The following BTBD9 variants were observed in gnomAD, a reference collection of about 807,000 sequenced individuals.
BTBD9 encodes BTB/POZ domain-containing protein 9.
A neutral mutation model predicts 64.3 loss-of-function variants in BTBD9; 49 were observed. The observed-to-expected ratio is 0.76, with a 90% CI of 0.61 to 0.97. The LOEUF is 0.97. Among genes scored for constraint, BTBD9 ranks in the 50% least tolerant of loss-of-function variants. BTBD9 has a pLI of 0.00. For missense variants in BTBD9, 598 were observed against 762.1 expected, an observed-to-expected ratio of 0.78 and a Z score of 2.53; for synonymous variants, 260 against 274.7, an observed-to-expected ratio of 0.95 and a Z score of 0.53.
intron 6 of BTBD9, among the ~76,000 whole-genome samples, chr6:38,506,571 G>A (rs565923943): frequency 6.6e-6 from 1 of 152,278 alleles, no homozygotes; most frequent in African/African-American, 2.4e-5. Context: ...AACACATCCT[G>A]CTTTCACATC....
chr6:38,232,841 C>T (rs1444278946), intron 9 of BTBD9, among the ~76,000 whole-genome samples: 2 of 152,064 alleles, frequency 1.3e-5, no homozygotes, highest in African/African-American at 4.8e-5. Context: ...GGATTAGTAA[C>T]ACATAAGAGG....
rs150324892 is a variant in BTBD9 at position 38,596,548 on chromosome 6, C to A, written c.185+1362G>T. Among the ~76,000 whole-genome samples the A allele has an allele frequency of 3.8e-3, 575 of 152,194 alleles. 4 individuals carry two copies. The highest frequency in any genetic ancestry group is 0.013 in the African/African-American group (534 of 41,524). ...AGGTGCAGTGGCTCAAGCCTGTAATCCCAGTACTTTGGGAGGCTGAGGCGG... is the reference window on the plus strand; with the variant it reads ...AGGTGCAGTGGCTCAAGCCTGTAATACCAGTACTTTGGGAGGCTGAGGCGG... On this transcript the variant is annotated intron_variant, in intron 2 of 10. Coordinates refer to ENST00000481247, the MANE Select transcript of BTBD9 (RefSeq NM_001099272.2).
intron 8 of BTBD9, among the ~76,000 whole-genome samples, chr6:38,258,265 C>T (rs1027270469): frequency 6.6e-6 from 1 of 152,092 alleles, no homozygotes; most frequent in Non-Finnish European, 1.5e-5. Flanking sequence ...GGATTACAGG[C>T]ATGAGCCACT....
chr6:38,234,383 G>A (rs1763710845), intron 9 of BTBD9, among the ~76,000 whole-genome samples: 1 of 152,166 alleles, frequency 6.6e-6, no homozygotes, highest in South Asian at 2.1e-4. Context: ...GACAGTTAAG[G>A]ACAGTTTCAA....
intron 9 of BTBD9, among the ~76,000 whole-genome samples, chr6:38,210,536 TTGTGTGTGTGTGTGTG>T (rs71542165): frequency 1.1e-3 from 160 of 146,454 alleles, no homozygotes; most frequent in Non-Finnish European, 2.0e-3. Flanking sequence ...GTGCGTGTGT[TTGTGTGTGTGTGTGTG>T]TGTGTGTGTG....
chr6:38,315,317 C>T (rs549825276), intron 7 of BTBD9, among the ~76,000 whole-genome samples: 8 of 152,110 alleles, frequency 5.3e-5, no homozygotes, highest in East Asian at 1.9e-4. Context: ...TTTTCTTCTA[C>T]GAACTTTAGA....
chr6:38,480,047 A>G (rs754878046), intron 6 of BTBD9, among the ~76,000 whole-genome samples: 12 of 152,234 alleles, frequency 7.9e-5, no homozygotes, highest in Non-Finnish European at 1.5e-4. Flanking sequence ...AAATCTTTAA[A>G]TAAACGCTCT....
At chr6:38,614,809 G>C (rs1777733713) in intron 1 of BTBD9, among the ~76,000 whole-genome samples, 1 of 152,156 alleles carries the variant, frequency 6.6e-6, no homozygotes, top group Non-Finnish European at 1.5e-5. Context: ...GTTCCTAAGT[G>C]ATCTCCCGCT....
chr6:38,179,001 T>TGCCACCA (rs1761418224), intron 10 of BTBD9, among the ~76,000 whole-genome samples: 1 of 152,048 alleles, frequency 6.6e-6, no homozygotes, highest in African/African-American at 2.4e-5. Context: ...TACAGGCACG[T>TGCCACCA]GCCACCACAC....
intron 6 of BTBD9, among the ~76,000 whole-genome samples, chr6:38,389,925 T>C (rs574179776): frequency 5.3e-5 from 8 of 152,344 alleles, no homozygotes; most frequent in Non-Finnish European, 1.0e-4. Context: ...CAGCTGGGAA[T>C]AGAATTTCTT....
chr6:38,170,266 G>A lies in BTBD9; in HGVS notation c.*4719C>T, dbSNP rs1000116335. ...GCACCTGTCCCCTGCCTCTGCATGAGCCCAGCAGAAAATCCTAGCTGGAAG... is the reference window on the plus strand; with the variant it reads ...GCACCTGTCCCCTGCCTCTGCATGAACCCAGCAGAAAATCCTAGCTGGAAG... On this transcript the variant is annotated 3_prime_UTR_variant, in exon 11 of 11. Transcript: ENST00000481247. 6.6e-6 allele frequency: 1 copy of A among 152,432 alleles called. No homozygotes were observed. Among genetic ancestry groups the A allele is most frequent in the Non-Finnish European group, 1.5e-5 (1 of 68,226 alleles). 9.4% of individuals were successfully genotyped at this position (152,432 alleles called of 1,614,324 possible).
intron 9 of BTBD9, among the ~76,000 whole-genome samples, chr6:38,245,419 G>A (rs1219339954): frequency 6.6e-6 from 1 of 152,192 alleles, no homozygotes; most frequent in Non-Finnish European, 1.5e-5. Flanking sequence ...TCCAGACAGA[G>A]ACCAGCATGG....
At chr6:38,277,579 C>A (rs991859536) in intron 8 of BTBD9, among the ~76,000 whole-genome samples, 16 of 152,242 alleles carry the variant, frequency 1.1e-4, no homozygotes, top group African/African-American at 3.6e-4. Context: ...GGTGATCCGC[C>A]TGCCTTGGCC....
intron 6 of BTBD9, among the ~76,000 whole-genome samples, chr6:38,531,922 C>T (rs1327492683): frequency 6.6e-6 from 1 of 152,068 alleles, no homozygotes; most frequent in Non-Finnish European, 1.5e-5. Context: ...CACTCCTGCT[C>T]CCACAAGGAC....
chr6:38,174,912 C>A lies in BTBD9; in HGVS notation c.*73G>T. On this transcript the variant is annotated 3_prime_UTR_variant, in exon 11 of 11. Coordinates refer to ENST00000481247, the MANE Select transcript of BTBD9 (RefSeq NM_001099272.2). Reference sequence around the variant, plus strand: ...CAGAGGTGGGGGCAGTCAACAGAGACCCCTGCTCAGGGAGGAGACCGTTTC... The same window carrying A: ...CAGAGGTGGGGGCAGTCAACAGAGAACCCTGCTCAGGGAGGAGACCGTTTC... 6.4e-7 allele frequency: 1 copy of A among 1,560,906 alleles called. No individual in the cohort carries two copies. The highest frequency in any genetic ancestry group is 8.7e-7 in the Non-Finnish European group (1 of 1,146,006).
At chr6:38,311,679 C>A (rs966597643) in intron 7 of BTBD9, among the ~76,000 whole-genome samples, 1 of 152,112 alleles carries the variant, frequency 6.6e-6, no homozygotes, top group African/African-American at 2.4e-5. Flanking sequence ...AGTGGTTGTA[C>A]TAATTTATAT....
At chr6:38,423,777 T>C (rs1464399098) in intron 6 of BTBD9, among the ~76,000 whole-genome samples, 3 of 151,912 alleles carry the variant, frequency 2.0e-5, no homozygotes, top group African/African-American at 7.3e-5. Flanking sequence ...TTAAATCATA[T>C]AGTAAAAAAT....
intron 9 of BTBD9, among the ~76,000 whole-genome samples, chr6:38,243,936 AG>A (rs1160158938): frequency 1.3e-5 from 2 of 152,168 alleles, no homozygotes; most frequent in Non-Finnish European, 2.9e-5. Flanking sequence ...TCTGGGATAG[AG>A]CTGAGCAAGC....
chr6:38,501,824 C>A (rs1223942127), intron 6 of BTBD9, among the ~76,000 whole-genome samples: 1 of 152,078 alleles, frequency 6.6e-6, no homozygotes, highest in African/African-American at 2.4e-5. Flanking sequence ...CAAGGCTACT[C>A]TCTCCATTAA....
Sources: allele counts gnomAD v4.1 joint callset (sites outside exome capture counted in the v4.1 genomes callset), GRCh38; gene constraint gnomAD v4.1.1; transcripts MANE v1.5; gene names NCBI Gene and HGNC (gene_info 2026-07-23, HGNC 2026-07-21).